The following VPS13C variants were observed in gnomAD, a reference collection of about 807,000 sequenced individuals.
The protein encoded by VPS13C is vacuolar protein sorting 13 homolog C, also known as intermembrane lipid transfer protein VPS13C.
Under a neutral mutation model 456.8 loss-of-function variants are expected in VPS13C, and 358 were observed. The observed-to-expected ratio is 0.78, with a 90% CI of 0.72 to 0.86. The LOEUF is 0.86. Among genes scored for constraint, VPS13C ranks in the 40% least tolerant of loss-of-function variants. The pLI is 0.00. For missense variants in VPS13C, 4,818 were observed against 4,385.4 expected, an observed-to-expected ratio of 1.10 and a Z score of -2.79; for synonymous variants, 1,578 against 1,486.7, an observed-to-expected ratio of 1.06 and a Z score of -1.41.
intron 41 of VPS13C, 144 bp from the exon 42 acceptor site, chr15:61,949,749 CA>C: frequency 1.4e-6 from 1 of 703,664 alleles, no homozygotes; most frequent in Non-Finnish European, 2.2e-6. Context: ...ACTATTAACT[CA>C]CTATTAAAAT....
intron 1 of VPS13C, among the ~76,000 whole-genome samples, chr15:62,058,668 G>A (rs1315402567): frequency 1.3e-5 from 2 of 152,118 alleles, no homozygotes; most frequent in African/African-American, 4.8e-5. Flanking sequence ...ATGGTCAGGG[G>A]TACTGAAGCC....
At chr15:61,902,507 C>T (rs117846773) in intron 66 of VPS13C, among the ~76,000 whole-genome samples, 1 of 152,208 alleles carries the variant, frequency 6.6e-6, no homozygotes, top group East Asian at 1.9e-4. Context: ...TCACTAGGGT[C>T]AAATGAGATT....
intron 37 of VPS13C, among the ~76,000 whole-genome samples, chr15:61,956,334 G>T (rs973683119): frequency 3.3e-5 from 5 of 151,860 alleles, no homozygotes; most frequent in African/African-American, 1.2e-4. Flanking sequence ...AGAGGGGAGA[G>T]GGGGGGACTG....
Position 61,917,558 on chromosome 15 carries a change from T to G in VPS13C, c.7838A>C (p.Glu2613Ala). The G allele has an allele frequency of 6.2e-7, 1 of 1,614,032 alleles. No homozygotes were observed. The highest frequency in any genetic ancestry group is 8.5e-7 in the Non-Finnish European group (1 of 1,179,894). The change falls in exon 60 of 85, where the codon GAA (glutamate) becomes GCA (alanine). Residue 2613 changes from glutamate to alanine, a missense_variant. Physicochemically the swap from Glu to Ala is moderately radical, Grantham distance 107. This residue lies in a region of VPS13C where 4,552 missense variants were observed against 4,130.6 expected (regional missense o/e 1.10). Transcript: ENST00000644861. ...KESTTYISWK[E>A]ELHRSREVRC... ...GACTTCCCTGCTCCTATGAAGTTCT[T>G]CCTTCCAGGAAATATAAGTGGTAGA...
In VPS13C at chr15:61,854,235, T is replaced by C. The variant is rs1220535845; in HGVS notation, c.*222A>G. ...GACGTTTCTTCAAGGGTCTGACCCATTTGGGTGGTGGCGTAGAAGTGGACT... is the reference window on the plus strand; with the variant it reads ...GACGTTTCTTCAAGGGTCTGACCCACTTGGGTGGTGGCGTAGAAGTGGACT... On this transcript the variant is annotated 3_prime_UTR_variant, in exon 85 of 85. Coordinates refer to ENST00000644861, the MANE Select transcript of VPS13C (RefSeq NM_020821.3). 7.0e-6 allele frequency: 4 copies of C among 571,416 alleles called. No homozygotes were observed. In the African/African-American group the frequency reaches 7.5e-5, roughly 11 times the overall value. 35.4% of individuals were successfully genotyped at this position (571,416 alleles called of 1,614,324 possible).
rs758524299 is a variant in VPS13C, at chr15:61,925,476, C to A, written c.6589G>T (p.Val2197Phe). ...CTAACCTTAATTATAAATTCTTTAA[C>A]CATAATATTTATATTTTGCTTTCCT... Reference protein sequence around the residue: ...ASGKQNINIMVKEFIIKISPI... With the variant: ...ASGKQNINIMFKEFIIKISPI... The change falls in exon 53 of 85, where the codon GTT (valine) becomes TTT (phenylalanine). Residue 2197 changes from valine to phenylalanine, a missense_variant. Physicochemically the swap from Val to Phe is conservative, Grantham distance 50. Transcript: ENST00000644861. 54 of 1,586,700 alleles carry A rather than the reference C, an allele frequency of 3.4e-5. No homozygotes were observed. The highest frequency in any genetic ancestry group is 4.6e-5 in the Non-Finnish European group (54 of 1,164,762).
intron 43 of VPS13C, 55 bp from the exon 44 acceptor site, chr15:61,946,465 G>A (rs2044607964): frequency 7.5e-7 from 1 of 1,334,912 alleles, no homozygotes; most frequent in Admixed American, 2.3e-5. Flanking sequence ...GACTAAGCCA[G>A]TGGTATTTAA....
Position 61,873,366 on chromosome 15 carries a change from C to T in VPS13C, c.10458G>A (p.Gly3486=), listed in dbSNP as rs1895172346. The change falls in exon 78 of 85, where the codon GGG becomes GGA. Residue 3486 remains glycine, a synonymous_variant. Coordinates refer to ENST00000644861, the MANE Select transcript of VPS13C (RefSeq NM_020821.3). ...CCATTGTAATTGCTGCCAAACCTTTCCCAACAGAACCGGTGATTCGAGATA... is the reference window on the plus strand; with the variant it reads ...CCATTGTAATTGCTGCCAAACCTTTTCCAACAGAACCGGTGATTCGAGATA... ...GVVSRITGSV[G]KGLAAITMDK... is the part of the protein sequence containing the mutation. 3.7e-6 allele frequency: 6 copies of T among 1,613,686 alleles called. No homozygotes were observed. Among genetic ancestry groups the T allele is most frequent in the Non-Finnish European group, 5.1e-6 (6 of 1,179,750 alleles).
At chr15:61,895,756 T>G (rs7179506) in intron 66 of VPS13C, among the ~76,000 whole-genome samples, 48,757 of 151,990 alleles carry the variant, frequency 0.32, 9,192 homozygotes, top group Non-Finnish European at 0.4. Flanking sequence ...AAAAAACAGT[T>G]GGTCTCATAA....
chr15:61,950,488 T>C lies in VPS13C; in HGVS notation c.4537-71A>G, dbSNP rs1046672032. 6 of 1,162,826 alleles carry C rather than the reference T, an allele frequency of 5.2e-6. No individual in the cohort carries two copies. The African/African-American group carries it at 9.3e-5, about 18-fold the overall frequency. 72.0% of individuals were successfully genotyped at this position (1,162,826 alleles called of 1,614,324 possible). ...ATTCATACACTGAAAATATACATAT[T>C]CTTTACTTTTCTAAGTATGCTATTA... is the stretch of plus-strand genomic sequence containing the variant. On this transcript the variant is annotated intron_variant, in intron 40 of 84. Transcript: ENST00000644861.
intron 74 of VPS13C, among the ~76,000 whole-genome samples, chr15:61,878,314 TA>T: frequency 6.6e-6 from 1 of 152,022 alleles, no homozygotes; most frequent in East Asian, 1.9e-4. Context: ...AATTATGTTT[TA>T]AAATATGGTT....
In VPS13C at chr15:61,909,200, G is replaced by A. The variant is rs1029851739; in HGVS notation, c.8845-75C>T. ...CTTACATATGGAATTTCAATATTAC[G>A]TAAAACACAAAAGCTTTGGTTTTTT... On this transcript the variant is annotated intron_variant, in intron 64 of 84. Coordinates refer to ENST00000644861, the MANE Select transcript of VPS13C (RefSeq NM_020821.3). 1.1e-4 allele frequency: 167 copies of A among 1,554,692 alleles called. 1 individual carries two copies. Among genetic ancestry groups the A allele is most frequent in the Non-Finnish European group, 6.4e-5 (73 of 1,146,670 alleles).
intron 47 of VPS13C, among the ~76,000 whole-genome samples, chr15:61,939,286 G>A (rs2044333781): frequency 6.6e-6 from 1 of 152,140 alleles, no homozygotes; most frequent in Admixed American, 6.5e-5. Flanking sequence ...GAAATTAAAA[G>A]AAGGTACCCA....
At chr15:61,854,760 C>A in intron 84 of VPS13C, 111 bp downstream of exon 84, 1 of 1,090,662 alleles carries the variant, frequency 9.2e-7, no homozygotes, top group South Asian at 1.6e-5. Context: ...TATATCCATC[C>A]ATAGTTATAT....
chr15:61,884,325 C>T (rs951348624), intron 67 of VPS13C, 56 bp from the exon 68 acceptor site: 27 of 1,517,220 alleles, frequency 1.8e-5, no homozygotes, highest in Non-Finnish European at 2.3e-5. Context: ...GTCTGTGGAA[C>T]TTTATTCAAC....
At chr15:61,863,768 A>C in intron 81 of VPS13C, 1 of 340,406 alleles carries the variant, frequency 2.9e-6, no homozygotes, top group Non-Finnish European at 5.4e-6. Flanking sequence ...TCTTCTGGTA[A>C]AATACATTTT....
intron 24 of VPS13C, among the ~76,000 whole-genome samples, chr15:61,975,950 G>A (rs377729402): frequency 1.2e-4 from 19 of 152,130 alleles, no homozygotes; most frequent in East Asian, 9.6e-4. Flanking sequence ...TACATAATGA[G>A]ATATCCTGCA....
At chr15:61,940,857 T>A in intron 46 of VPS13C, 63 bp from the exon 47 acceptor site, 2 of 1,502,016 alleles carry the variant, frequency 1.3e-6, no homozygotes, top group Non-Finnish European at 1.8e-6. Flanking sequence ...AGGACTATCC[T>A]ATTGTGTAAC....
At chr15:61,930,299 A>G (rs1223821252) in intron 50 of VPS13C, among the ~76,000 whole-genome samples, 1 of 152,210 alleles carries the variant, frequency 6.6e-6, no homozygotes, top group Non-Finnish European at 1.5e-5. Flanking sequence ...CAGGCTACCT[A>G]ACAGATGATA....
Sources: gnomAD v4.1 joint callset for allele counts (sites outside exome capture counted in the v4.1 genomes callset) on GRCh38, gnomAD v4.1.1 for gene constraint, gnomAD v4.1.1 regional missense constraint, MANE v1.5 for transcripts, NCBI Gene and HGNC (gene_info 2026-07-23, HGNC 2026-07-21) for gene names.